The following PDSS1 variants were observed in gnomAD, a reference collection of about 807,000 sequenced individuals.
The protein encoded by PDSS1 is decaprenyl diphosphate synthase subunit 1.
In PDSS1, 43 loss-of-function variants were observed where a neutral mutation model predicts 57.5. That is an observed-to-expected ratio of 0.75 (90% confidence interval 0.59 to 0.96). The LOEUF is 0.96. PDSS1 is among the 50% of genes least tolerant of loss of function. PDSS1 has a pLI of 0.00. For synonymous variants in PDSS1, 175 were observed against 191.3 expected (o/e 0.91, Z 0.70); for missense variants, 438 against 527.8 (o/e 0.83, Z 1.67).
intron 10 of PDSS1, 129 bp from the exon 11 acceptor site, chr10:26,742,368 C>A: frequency 1.4e-6 from 1 of 737,134 alleles, no homozygotes; most frequent in Non-Finnish European, 2.4e-6. Flanking sequence ...TCCCCCACAT[C>A]ATCTAGACAC....
chr10:26,724,132 G>A lies in PDSS1; in HGVS notation c.831+9G>A, dbSNP rs1336737042. 3.2e-6 allele frequency: 5 copies of A among 1,566,054 alleles called. No homozygotes were observed. Among genetic ancestry groups the A allele is most frequent in the Non-Finnish European group, 3.5e-6 (4 of 1,136,252 alleles). Reference sequence around the variant, plus strand: ...CCAACAGTTGTAAAGCAGTATGTACGTTCTGTCTTTCTTCAAGTTAAAGCC... The same window carrying A: ...CCAACAGTTGTAAAGCAGTATGTACATTCTGTCTTTCTTCAAGTTAAAGCC... On this transcript the variant is annotated intron_variant, in intron 8 of 11. Transcript: ENST00000376215.
chr10:26,735,174 G>A, intron 8 of PDSS1, 66 bp from the exon 9 acceptor site: 1 of 1,095,802 alleles, frequency 9.1e-7, no homozygotes, highest in Non-Finnish European at 1.4e-6. Flanking sequence ...AATTCCTTCA[G>A]CCAGGGGTCA....
chr10:26,733,093 A>G (rs74761617), intron 8 of PDSS1, among the ~76,000 whole-genome samples: 1 of 152,216 alleles, frequency 6.6e-6, no homozygotes, highest in Non-Finnish European at 1.5e-5. Flanking sequence ...CTCCAAAAAA[A>G]GAAATAGATT....
intron 11 of PDSS1, among the ~76,000 whole-genome samples, chr10:26,745,000 C>T (rs1478408380): frequency 2.0e-5 from 3 of 151,836 alleles, no homozygotes; most frequent in Admixed American, 2.0e-4. Context: ...CCCGTCTCTA[C>T]TAAAAATACA....
At chr10:26,731,957 C>A (rs1221721985) in intron 8 of PDSS1, among the ~76,000 whole-genome samples, 2 of 152,160 alleles carry the variant, frequency 1.3e-5, no homozygotes, top group African/African-American at 4.8e-5. Context: ...GCGCCCAGCC[C>A]TTCCCAGTCT....
intron 6 of PDSS1, among the ~76,000 whole-genome samples, chr10:26,721,733 T>G (rs1169775695): frequency 6.6e-6 from 1 of 152,178 alleles, no homozygotes; most frequent in African/African-American, 2.4e-5. Flanking sequence ...ATGTGGAGCC[T>G]TGGGCGGGGG....
chr10:26,745,845 C>CAA (rs556874205), intron 11 of PDSS1, among the ~76,000 whole-genome samples: 1,626 of 136,834 alleles, frequency 0.012, 26 homozygotes, highest in East Asian at 0.075. Context: ...GACCCTGTCT[C>CAA]AAAAAAAAAG....
intron 1 of PDSS1, among the ~76,000 whole-genome samples, chr10:26,698,682 G>A (rs148202175): frequency 9.8e-4 from 149 of 152,254 alleles, no homozygotes; most frequent in African/African-American, 3.3e-3. Flanking sequence ...TGTTACTTAA[G>A]TTTATTTGAA....
chr10:26,719,686 T>C (rs1158087711), intron 5 of PDSS1, among the ~76,000 whole-genome samples: 2 of 152,144 alleles, frequency 1.3e-5, no homozygotes, highest in Admixed American at 6.5e-5. Flanking sequence ...GGAGAATCAC[T>C]TGAACCTGGG....
chr10:26,732,204 A>G (rs1380992102), intron 8 of PDSS1, among the ~76,000 whole-genome samples: 1 of 152,190 alleles, frequency 6.6e-6, no homozygotes. Context: ...ATGTTGTGCT[A>G]TGTTGCGTCC....
At chr10:26,707,436 C>T (rs1017472620) in intron 4 of PDSS1, among the ~76,000 whole-genome samples, 1 of 152,138 alleles carries the variant, frequency 6.6e-6, no homozygotes, top group African/African-American at 2.4e-5. Context: ...TGGTCGCCTT[C>T]CTGTTGTGGG....
At chr10:26,723,577 C>T (rs747021791) in intron 6 of PDSS1, among the ~76,000 whole-genome samples, 23 of 151,892 alleles carry the variant, frequency 1.5e-4, no homozygotes, top group Admixed American at 4.6e-4. Context: ...CTGATTATTA[C>T]GAACTGGGAA....
At chr10:26,732,125 A>G (rs1268329745) in intron 8 of PDSS1, among the ~76,000 whole-genome samples, 1 of 152,160 alleles carries the variant, frequency 6.6e-6, no homozygotes, top group Non-Finnish European at 1.5e-5. Flanking sequence ...TGCTCCACCC[A>G]TTTCCGGAAA....
chr10:26,720,256 C>T lies in PDSS1; in HGVS notation c.506C>T (p.Ala169Val). The change falls in exon 6 of 12, where the codon GCA (alanine) becomes GTA (valine). Residue 169 changes from alanine to valine, a missense_variant. Coordinates refer to ENST00000376215, the MANE Select transcript of PDSS1 (RefSeq NM_014317.5). ...QASQRAIALI[A>V]EMIHTASLVH... ...AGCCAGCGCGCCATAGCCTTAATTGCAGAAATGATCCACACTGCTAGTCTG... is the reference window on the plus strand; with the variant it reads ...AGCCAGCGCGCCATAGCCTTAATTGTAGAAATGATCCACACTGCTAGTCTG... The T allele has an allele frequency of 6.2e-7, 1 of 1,613,690 alleles. No homozygotes were observed. The highest frequency in any genetic ancestry group is 1.3e-5 in the African/African-American group (1 of 75,018).
In PDSS1 at chr10:26,712,454, T is replaced by C. The variant is rs547844929; in HGVS notation, c.467+2686T>C. ...GTCAGAGCTGCAGCCTTATTCTCCC[T>C]ATAAGTGATTGGAGCAGGGCTTAGG... On this transcript the variant is annotated intron_variant, in intron 5 of 11. Transcript: ENST00000376215. Among the ~76,000 whole-genome samples the C allele has an allele frequency of 9.0e-4, 90 of 99,542 alleles. 33 individuals carry two copies. The highest frequency in any genetic ancestry group is 1.6e-3 in the Non-Finnish European group (68 of 42,792). 65.3% of individuals were successfully genotyped at this position (99,542 alleles called of 152,430 possible).
chr10:26,731,745 C>T (rs994755818), intron 8 of PDSS1, among the ~76,000 whole-genome samples: 1 of 152,344 alleles, frequency 6.6e-6, no homozygotes, highest in Middle Eastern at 3.4e-3. Flanking sequence ...TAATTTACAT[C>T]TCTCCTTTCT....
At chr10:26,730,582 C>G (rs1473125330) in intron 8 of PDSS1, among the ~76,000 whole-genome samples, 3 of 151,778 alleles carry the variant, frequency 2.0e-5, no homozygotes, top group Non-Finnish European at 4.4e-5. Context: ...TGCACTCCAG[C>G]CTGGCAACAG....
At chr10:26,698,717 T>C (rs1834955079) in intron 1 of PDSS1, among the ~76,000 whole-genome samples, 1 of 152,254 alleles carries the variant, frequency 6.6e-6, no homozygotes, top group Non-Finnish European at 1.5e-5. Context: ...AATTCAGATT[T>C]GGTATACTTT....
Position 26,704,083 on chromosome 10 carries a change from C to CAAAAAAAAAAAAAAAAAAAAAAAA in PDSS1, c.163-575_163-574insAAAAAAAAAAAAAAAAAAAAAAAA, listed in dbSNP as rs1203931422. Among the ~76,000 whole-genome samples, 202 of 30,966 alleles carry CAAAAAAAAAAAAAAAAAAAAAAAA rather than the reference C, an allele frequency of 6.5e-3. 22 individuals carry two copies. The highest frequency in any genetic ancestry group is 0.056 in the Middle Eastern group (1 of 18). The allele number at this position is 30,966 out of a possible 152,430, so 20.3% of individuals were successfully genotyped here. On this transcript the variant is annotated intron_variant, in intron 2 of 11. Transcript: ENST00000376215. ...GACGACAGAACGAGACTCCGTCTCA[C>CAAAAAAAAAAAAAAAAAAAAAAAA]AAAAAAAAAAAAAAAAAAATATGGC...
Sources: gnomAD v4.1 joint callset for allele counts (sites outside exome capture counted in the v4.1 genomes callset) on GRCh38, gnomAD v4.1.1 for gene constraint, MANE v1.5 for transcripts, NCBI Gene and HGNC (gene_info 2026-07-23, HGNC 2026-07-21) for gene names.